The following ADAMTS20 variants were observed in gnomAD, a reference collection of about 807,000 sequenced individuals.
The protein encoded by ADAMTS20 is A disintegrin and metalloproteinase with thrombospondin motifs 20.
Under a neutral mutation model 260.1 loss-of-function variants are expected in ADAMTS20, and 225 were observed. The ratio of observed to expected loss-of-function variants is 0.87; its 90% confidence interval spans 0.78 to 0.97. ADAMTS20 has a LOEUF of 0.97. ADAMTS20 is among the 50% of genes least tolerant of loss of function. ADAMTS20 has a pLI of 0.00. For synonymous variants in ADAMTS20, 802 were observed against 769.5 expected, an observed-to-expected ratio of 1.04 and a Z score of -0.70; for missense variants, 2,400 against 2,337.7, an observed-to-expected ratio of 1.03 and a Z score of -0.55.
chr12:43,461,842 T>A lies in ADAMTS20; in HGVS notation c.1614+1053A>T, dbSNP rs989800208. On this transcript the variant is annotated intron_variant, in intron 11 of 38. Transcript: ENST00000389420. The stretch of plus-strand genomic sequence containing the variant: ...CCAAACAGAAACATTATATAAAGAT[T>A]GAATTTTAAAATTCAAAGCCAGCTG... Among the ~76,000 whole-genome samples the A allele has an allele frequency of 2.6e-5, 4 of 152,196 alleles. No individual in the cohort carries two copies. The South Asian group carries it at 6.2e-4, about 24-fold the overall frequency.
chr12:43,438,427 T>C (rs1049991129), intron 18 of ADAMTS20, among the ~76,000 whole-genome samples: 1 of 152,182 alleles, frequency 6.6e-6, no homozygotes, highest in African/African-American at 2.4e-5. Flanking sequence ...TCTTCTATGT[T>C]AACCAAAGCT....
chr12:43,507,022 A>G (rs1592102284), intron 3 of ADAMTS20, among the ~76,000 whole-genome samples: 1 of 150,266 alleles, frequency 6.7e-6, no homozygotes, highest in Non-Finnish European at 1.5e-5. Flanking sequence ...AATGTCTGGG[A>G]ATTGAATGTA....
At chr12:43,415,484 C>A (rs1352802482) in intron 28 of ADAMTS20, among the ~76,000 whole-genome samples, 1 of 152,092 alleles carries the variant, frequency 6.6e-6, no homozygotes, top group Non-Finnish European at 1.5e-5. Context: ...GGATTTCTAA[C>A]TCGAGGAAAA....
chr12:43,446,789 A>G (rs758067531), intron 14 of ADAMTS20, 77 bp from the exon 15 acceptor site: 14 of 1,175,700 alleles, frequency 1.2e-5, no homozygotes, highest in Middle Eastern at 1.9e-4. Context: ...AATACATACA[A>G]TCAGATATGA....
intron 37 of ADAMTS20, among the ~76,000 whole-genome samples, chr12:43,366,607 G>A (rs1939991946): frequency 6.6e-6 from 1 of 151,746 alleles, no homozygotes; most frequent in Non-Finnish European, 1.5e-5. Flanking sequence ...ATAACACAGA[G>A]CGTGTTTTCC....
intron 3 of ADAMTS20, among the ~76,000 whole-genome samples, chr12:43,520,331 GA>G (rs1565580245): frequency 6.6e-6 from 1 of 151,694 alleles, no homozygotes; most frequent in African/African-American, 2.4e-5. Flanking sequence ...TAAGAAAGTA[GA>G]AAAAAATACA....
At chr12:43,378,941 G>T (rs1428606375) in intron 31 of ADAMTS20, among the ~76,000 whole-genome samples, 1 of 152,106 alleles carries the variant, frequency 6.6e-6, no homozygotes, top group Non-Finnish European at 1.5e-5. Flanking sequence ...GCTAACTTTT[G>T]GTAAGAAGAG....
At chr12:43,502,070 A>G (rs1339991828) in intron 4 of ADAMTS20, 82 bp downstream of exon 4, 3 of 1,339,876 alleles carry the variant, frequency 2.2e-6, no homozygotes, top group African/African-American at 1.5e-5. Context: ...AAGAGTTTGG[A>G]AAAAAAATTT....
chr12:43,454,201 T>A, intron 11 of ADAMTS20, 149 bp from the exon 12 acceptor site: 3 of 893,364 alleles, frequency 3.4e-6, no homozygotes, highest in Non-Finnish European at 4.8e-6. Flanking sequence ...TTGAAATGAT[T>A]TTATGAATAT....
intron 7 of ADAMTS20, among the ~76,000 whole-genome samples, chr12:43,488,616 T>C (rs1045959169): frequency 5.3e-5 from 8 of 152,198 alleles, no homozygotes; most frequent in Non-Finnish European, 2.9e-5. Flanking sequence ...CACCATTTAC[T>C]AGCTTTGTAC....
At chr12:43,378,403 CAG>C (rs1940276513) in intron 31 of ADAMTS20, among the ~76,000 whole-genome samples, 1 of 152,186 alleles carries the variant, frequency 6.6e-6, no homozygotes, top group East Asian at 1.9e-4. Flanking sequence ...AATGATCACA[CAG>C]AACCAAATAT....
In ADAMTS20 at chr12:43,399,203, A is replaced by T. The variant is rs753946361; in HGVS notation, c.4315T>A (p.Tyr1439Asn). 1.3e-4 allele frequency: 207 copies of T among 1,562,644 alleles called. No individual in the cohort carries two copies. The highest frequency in any genetic ancestry group is 1.7e-4 in the Non-Finnish European group (195 of 1,155,384). The change falls in exon 29 of 39, where the codon TAC becomes AAC. Residue 1439 changes from tyrosine (Y) to asparagine (N), a missense_variant. Coordinates refer to ENST00000389420, the MANE Select transcript of ADAMTS20 (RefSeq NM_025003.5). Reference sequence around the variant, plus strand: ...TGGTCAATGCAAAACACTTCACGGTACTTTCTACCTTTACCACAAGAAGCT... The same window carrying T: ...TGGTCAATGCAAAACACTTCACGGTTCTTTCTACCTTTACCACAAGAAGCT... ...CSASCGKGRK[Y>N]REVFCIDQFQ...
In ADAMTS20 at chr12:43,399,091, G is replaced by A; in HGVS notation, c.4427C>T (p.Ser1476Leu). Reference sequence around the variant, plus strand: ...CTCATTCCAGCTATTGGCTTTCCATGAAGGGCATCTGACAGATCTACAGGC... The same window carrying A: ...CTCATTCCAGCTATTGGCTTTCCATAAAGGGCATCTGACAGATCTACAGGC... ...HKACRSVRCP[S>L]WKANSWNECS... The change falls in exon 29 of 39, where the codon TCA becomes TTA. Residue 1476 changes from serine (S) to leucine (L), a missense_variant. Transcript: ENST00000389420. 1 of 1,529,146 alleles carries A rather than the reference G, an allele frequency of 6.5e-7. No homozygotes were observed. Among genetic ancestry groups the A allele is most frequent in the Non-Finnish European group, 8.8e-7 (1 of 1,136,780 alleles). 94.7% of individuals were successfully genotyped at this position (1,529,146 alleles called of 1,614,324 possible). A position where few individuals can be genotyped will look rare whatever the true frequency, so the allele number is the denominator to read the frequency against.
intron 7 of ADAMTS20, among the ~76,000 whole-genome samples, chr12:43,476,861 G>T (rs1942362552): frequency 6.6e-6 from 1 of 150,884 alleles, no homozygotes; most frequent in African/African-American, 2.4e-5. Flanking sequence ...GGGTGGAGGG[G>T]GGAGGGATAG....
chr12:43,444,865 A>C (rs749062181), intron 15 of ADAMTS20, among the ~76,000 whole-genome samples: 4 of 152,162 alleles, frequency 2.6e-5, no homozygotes, highest in Admixed American at 6.5e-5. Context: ...ATGTCAGACT[A>C]TCTTGCATGT....
At chr12:43,468,750 C>A (rs1245695677) in intron 7 of ADAMTS20, 45 bp from the exon 8 acceptor site, 1 of 1,120,282 alleles carries the variant, frequency 8.9e-7, no homozygotes, top group South Asian at 1.4e-5. Context: ...GAAAACACTA[C>A]CAAAATCATA....
At chr12:43,391,257 A>G (rs1157983375) in intron 29 of ADAMTS20, among the ~76,000 whole-genome samples, 2 of 152,236 alleles carry the variant, frequency 1.3e-5, no homozygotes, top group Non-Finnish European at 2.9e-5. Context: ...TCAGCTCCTA[A>G]AGTCCCTACC....
chr12:43,405,313 G>A (rs1940894874), intron 28 of ADAMTS20, among the ~76,000 whole-genome samples: 1 of 146,850 alleles, frequency 6.8e-6, no homozygotes, highest in Non-Finnish European at 1.5e-5. Context: ...AGCTACTTGG[G>A]AGACTGAGGT....
Position 43,432,775 on chromosome 12 carries a change from T to C in ADAMTS20, c.2757A>G (p.Gln919=), listed in dbSNP as rs571550798. ...CCAAGGTTCTATATCCTTGACCACA[T>C]TGGGATGAACATTCACTTTTGCCAA... ...HVIGKSECSS[Q]CGQGYRTLDI... is the part of the protein sequence containing the mutation. The change falls in exon 20 of 39, where the codon CAA becomes CAG. Residue 919 remains glutamine, a synonymous_variant. Transcript: ENST00000389420. The C allele has an allele frequency of 1.6e-5, 26 of 1,613,978 alleles. No homozygotes were observed. Among genetic ancestry groups the C allele is most frequent in the Admixed American group, 8.3e-5 (5 of 60,028 alleles).
Sources: gnomAD v4.1 joint callset for allele counts (sites outside exome capture counted in the v4.1 genomes callset) on GRCh38, gnomAD v4.1.1 for gene constraint, MANE v1.5 for transcripts, NCBI Gene and HGNC (gene_info 2026-07-23, HGNC 2026-07-21) for gene names.